The following SLC44A5 variants were observed in gnomAD, a reference collection of about 807,000 sequenced individuals.
SLC44A5 encodes the protein solute carrier family 44 member 5.
Under a neutral mutation model 101.8 loss-of-function variants are expected in SLC44A5, and 57 were observed. That is an observed-to-expected ratio of 0.56 (90% CI 0.45 to 0.70). The LOEUF (loss-of-function observed/expected upper bound fraction) is 0.70, where lower values mean the gene tolerates loss of function less well. Among genes scored for constraint, SLC44A5 ranks in the 30% least tolerant of loss-of-function variants. The pLI, the probability that SLC44A5 is intolerant of heterozygous loss-of-function variation, is 0.00. For synonymous variants in SLC44A5, 281 were observed against 290.9 expected, an observed-to-expected ratio of 0.97 and a Z score of 0.35; for missense variants, 737 against 853.1, an observed-to-expected ratio of 0.86 and a Z score of 1.70.
At chr1:75,596,836 C>T (rs1219463053) in intron 1 of SLC44A5, among the ~76,000 whole-genome samples, 2 of 152,122 alleles carry the variant, frequency 1.3e-5, no homozygotes, top group South Asian at 2.1e-4. Flanking sequence ...AACCCACAGT[C>T]AGCATTATAC....
intron 3 of SLC44A5, among the ~76,000 whole-genome samples, chr1:75,377,316 C>T (rs1439162508): frequency 1.1e-5 from 1 of 95,042 alleles, no homozygotes; most frequent in Admixed American, 1.2e-4. Flanking sequence ...TGCTTGAAGG[C>T]AGCATGCTCC....
intron 3 of SLC44A5, among the ~76,000 whole-genome samples, chr1:75,375,426 CACA>C (rs1373558207): frequency 2.0e-5 from 3 of 152,180 alleles, no homozygotes; most frequent in Non-Finnish European, 4.4e-5. Context: ...GGATACAATC[CACA>C]ACAATTTCCC....
intron 2 of SLC44A5, among the ~76,000 whole-genome samples, chr1:75,418,809 A>T (rs1417594167): frequency 6.6e-6 from 1 of 152,222 alleles, no homozygotes; most frequent in African/African-American, 2.4e-5. Context: ...TTTTGAATTG[A>T]TTAAAAGTAA....
chr1:75,269,720 G>A (rs11162964), intron 6 of SLC44A5, among the ~76,000 whole-genome samples: 7,281 of 151,958 alleles, frequency 0.048, 603 homozygotes, highest in African/African-American at 0.17. Context: ...TTTTTAATAG[G>A]ATTTCTTTCT....
chr1:75,607,759 T>C (rs1428555989), intron 1 of SLC44A5, among the ~76,000 whole-genome samples: 3 of 151,998 alleles, frequency 2.0e-5, no homozygotes, highest in Non-Finnish European at 2.9e-5. Flanking sequence ...CATGCTGCCA[T>C]GTAAGATGTG....
intron 11 of SLC44A5, among the ~76,000 whole-genome samples, chr1:75,235,475 G>A (rs763402245): frequency 5.9e-5 from 9 of 151,864 alleles, no homozygotes; most frequent in Non-Finnish European, 1.2e-4. Flanking sequence ...AAGAAGAAGC[G>A]TGGAAATTAT....
chr1:75,471,268 C>G (rs147539102), intron 2 of SLC44A5, among the ~76,000 whole-genome samples: 10 of 152,034 alleles, frequency 6.6e-5, no homozygotes, highest in African/African-American at 2.4e-4. Flanking sequence ...GAAGGGAATC[C>G]CCAGGATGGG....
At chr1:75,636,559 T>C in the SLC44A5 span, among the ~76,000 whole-genome samples, 1,021 of 152,190 alleles carry the variant, frequency 6.7e-3, 16 homozygotes, top group Admixed American at 0.037. Context: ...TGAAATGGAG[T>C]GTATAAAACA....
At chr1:75,544,204 T>C (rs1671517542) in intron 1 of SLC44A5, among the ~76,000 whole-genome samples, 1 of 152,158 alleles carries the variant, frequency 6.6e-6, no homozygotes, top group Non-Finnish European at 1.5e-5. Flanking sequence ...TGGCCCGATT[T>C]GTTGCTTACT....
chr1:75,240,927 T>C (rs1175241036), intron 9 of SLC44A5, among the ~76,000 whole-genome samples: 1 of 152,108 alleles, frequency 6.6e-6, no homozygotes, highest in Admixed American at 6.6e-5. Flanking sequence ...GGTTATTTAT[T>C]TGTTTGTTTT....
chr1:75,708,413 C>CAAA, the SLC44A5 span, among the ~76,000 whole-genome samples: 3,048 of 39,030 alleles, frequency 0.078, 816 homozygotes, highest in African/African-American at 0.25. Context: ...GACTCCGTCT[C>CAAA]AAAAAAAAAA....
chr1:75,301,004 T>C (rs1654411756), intron 4 of SLC44A5, among the ~76,000 whole-genome samples: 1 of 152,166 alleles, frequency 6.6e-6, no homozygotes, highest in Non-Finnish European at 1.5e-5. Context: ...GAAATTGTAA[T>C]ATAAGCTATT....
chr1:75,701,748 C>T, the SLC44A5 span, among the ~76,000 whole-genome samples: 1 of 152,130 alleles, frequency 6.6e-6, no homozygotes, highest in African/African-American at 2.4e-5. Context: ...GATTGTATAT[C>T]TAGAAAACCC....
chr1:75,615,790 C>G (rs866822555), upstream of SLC44A5: 17 of 916,376 alleles, frequency 1.9e-5, no homozygotes, highest in Middle Eastern at 2.6e-3. Flanking sequence ...AACAGGCCGG[C>G]CCGAGGGGCA....
chr1:75,648,126 G>A, the SLC44A5 span, among the ~76,000 whole-genome samples: 1 of 152,090 alleles, frequency 6.6e-6, no homozygotes, highest in Admixed American at 6.6e-5. Context: ...TTAGATCATG[G>A]GAACAATTCC....
the SLC44A5 span, among the ~76,000 whole-genome samples, chr1:75,719,630 C>T: frequency 6.6e-6 from 1 of 152,154 alleles, no homozygotes; most frequent in Non-Finnish European, 1.5e-5. Flanking sequence ...GCTGCTTACT[C>T]GAATAGGCTC....
intron 1 of SLC44A5, among the ~76,000 whole-genome samples, chr1:75,567,269 C>T (rs1672836584): frequency 6.6e-6 from 1 of 152,156 alleles, no homozygotes; most frequent in Admixed American, 6.6e-5. Flanking sequence ...TACAGCTCCC[C>T]CACATAGATG....
At chr1:75,596,329 A>C (rs1674634125) in intron 1 of SLC44A5, among the ~76,000 whole-genome samples, 1 of 152,102 alleles carries the variant, frequency 6.6e-6, no homozygotes, top group Admixed American at 6.6e-5. Context: ...AAAAAGTTGA[A>C]GTTGCACCAG....
the SLC44A5 span, among the ~76,000 whole-genome samples, chr1:75,700,070 C>T: frequency 6.6e-6 from 1 of 152,080 alleles, no homozygotes; most frequent in East Asian, 1.9e-4. Context: ...GACTTTAACA[C>T]CCCGCTGTCA....
Sources: gnomAD v4.1 joint callset for allele counts (sites outside exome capture counted in the v4.1 genomes callset) on GRCh38, gnomAD v4.1.1 for gene constraint, MANE v1.5 for transcripts, NCBI Gene and HGNC (gene_info 2026-07-23, HGNC 2026-07-21) for gene names.